AUTS2: variants seen among roughly 807,000 people sequenced by gnomAD.
AUTS2 encodes autism susceptibility gene 2 protein.
In AUTS2, 17 loss-of-function variants were observed where a neutral mutation model predicts 112.4. The ratio of observed to expected loss-of-function variants is 0.15; its 90% CI spans 0.10 to 0.23. AUTS2 has a LOEUF of 0.23. Ranked by LOEUF, AUTS2 falls within the 10% of genes least tolerant of loss-of-function variation. The pLI is 1.00. For synonymous variants in AUTS2, 751 were observed against 702.7 expected (o/e 1.07, Z -1.09); for missense variants, 1,510 against 1,701.6 (o/e 0.89, Z 1.98).
At chr7:69,769,483 A>G (rs1395068204) in intron 1 of AUTS2, among the ~76,000 whole-genome samples, 1 of 152,194 alleles carries the variant, frequency 6.6e-6, no homozygotes, top group African/African-American at 2.4e-5. Flanking sequence ...ATTAGCTACA[A>G]TCTTCCTGAA....
At chr7:69,737,906 A>G (rs928060255) in intron 1 of AUTS2, among the ~76,000 whole-genome samples, 1 of 152,204 alleles carries the variant, frequency 6.6e-6, no homozygotes, top group African/African-American at 2.4e-5. Context: ...TATTCTGCCA[A>G]ATCAAATCGG....
rs553810450 is a variant in AUTS2, at chr7:70,496,041, C to A, written c.690+60260C>A. On this transcript the variant is annotated intron_variant, in intron 5 of 18. Transcript: ENST00000342771. ...CACACCCCCCCCACACACATGCACA[C>A]GTCACATCAGCATCTATCACACACC... Among the ~76,000 whole-genome samples, 50 of 119,786 alleles carry A rather than the reference C, an allele frequency of 4.2e-4. 1 individual carries two copies. The highest frequency in any genetic ancestry group is 1.6e-3 in the African/African-American group (48 of 30,358). 78.6% of individuals were successfully genotyped at this position (119,786 alleles called of 152,430 possible). A position where few individuals can be genotyped will look rare whatever the true frequency, so the allele number is the denominator to read the frequency against.
chr7:70,528,693 G>A (rs984814228), intron 5 of AUTS2, among the ~76,000 whole-genome samples: 3 of 151,976 alleles, frequency 2.0e-5, no homozygotes, highest in African/African-American at 4.8e-5. Context: ...AAAGGATCAC[G>A]TGAGCCCAGG....
intron 14 of AUTS2, among the ~76,000 whole-genome samples, chr7:70,779,138 G>A (rs1044500708): frequency 2.0e-5 from 3 of 152,060 alleles, no homozygotes; most frequent in African/African-American, 7.2e-5. Flanking sequence ...AAATAATTTG[G>A]CCACCAAATT....
intron 4 of AUTS2, among the ~76,000 whole-genome samples, chr7:70,401,590 C>A (rs931403250): frequency 6.6e-6 from 1 of 152,048 alleles, no homozygotes; most frequent in Non-Finnish European, 1.5e-5. Flanking sequence ...CAGATGAGAC[C>A]GTGGAGAGTA....
intron 2 of AUTS2, among the ~76,000 whole-genome samples, chr7:70,115,540 A>G (rs1423290256): frequency 6.6e-6 from 1 of 152,232 alleles, no homozygotes; most frequent in Non-Finnish European, 1.5e-5. Flanking sequence ...ATAGTCAGGT[A>G]CCACATACAA....
At chr7:70,005,789 C>A (rs777619259) in intron 2 of AUTS2, among the ~76,000 whole-genome samples, 5 of 152,046 alleles carry the variant, frequency 3.3e-5, no homozygotes, top group Non-Finnish European at 7.4e-5. Flanking sequence ...TCTGTGACCT[C>A]AAAATTGAAA....
intron 4 of AUTS2, among the ~76,000 whole-genome samples, chr7:70,220,884 T>C (rs1368570343): frequency 6.6e-6 from 1 of 152,208 alleles, no homozygotes; most frequent in African/African-American, 2.4e-5. Flanking sequence ...ACTCACCATA[T>C]AGATTCTACC....
intron 5 of AUTS2, among the ~76,000 whole-genome samples, chr7:70,466,814 G>A (rs563841844): frequency 6.6e-6 from 1 of 152,244 alleles, no homozygotes; most frequent in South Asian, 2.1e-4. Flanking sequence ...TTTAAAGCAG[G>A]GATAGACATG....
At chr7:70,142,149 A>C (rs1028261475) in intron 4 of AUTS2, among the ~76,000 whole-genome samples, 2 of 152,172 alleles carry the variant, frequency 1.3e-5, no homozygotes, top group African/African-American at 2.4e-5. Flanking sequence ...AAACTCTTTA[A>C]GGAGATAAGC....
intron 4 of AUTS2, among the ~76,000 whole-genome samples, chr7:70,401,431 A>AT (rs1794322584): frequency 6.6e-6 from 1 of 152,138 alleles, no homozygotes; most frequent in African/African-American, 2.4e-5. Flanking sequence ...GTGTGGTGAG[A>AT]TTAGGAGGAA....
chr7:70,407,791 A>G (rs1794600905), intron 4 of AUTS2, among the ~76,000 whole-genome samples: 1 of 152,062 alleles, frequency 6.6e-6, no homozygotes, highest in Non-Finnish European at 1.5e-5. Flanking sequence ...GTGATGGCTC[A>G]TGCCTGTAAT....
At chr7:70,548,834 C>T (rs1478377457) in intron 5 of AUTS2, among the ~76,000 whole-genome samples, 1 of 151,828 alleles carries the variant, frequency 6.6e-6, no homozygotes, top group Admixed American at 6.6e-5. Context: ...GGGAACTGTG[C>T]GTCTCCCAAT....
At chr7:70,426,544 T>C (rs1168721401) in intron 4 of AUTS2, among the ~76,000 whole-genome samples, 1 of 152,180 alleles carries the variant, frequency 6.6e-6, no homozygotes, top group African/African-American at 2.4e-5. Context: ...AGTGTCTCAT[T>C]TAACGGCACC....
chr7:70,142,165 ACTTAGGTG>A (rs1198275727), intron 4 of AUTS2, among the ~76,000 whole-genome samples: 1 of 152,146 alleles, frequency 6.6e-6, no homozygotes, highest in Admixed American at 6.6e-5. Flanking sequence ...TAAGCGGAAA[ACTTAGGTG>A]CTACTGATGG....
chr7:70,090,261 T>A (rs1229659069), intron 2 of AUTS2, among the ~76,000 whole-genome samples: 3 of 152,056 alleles, frequency 2.0e-5, no homozygotes, highest in African/African-American at 7.2e-5. Context: ...TTCAACTCTC[T>A]TGTTGTCACA....
intron 4 of AUTS2, 91 bp from the exon 5 acceptor site, chr7:70,435,658 ACTT>A: frequency 1.6e-6 from 2 of 1,247,622 alleles, no homozygotes; most frequent in South Asian, 2.6e-5. Flanking sequence ...CTTATCTTGC[ACTT>A]TTTTTGTATG....
chr7:69,763,990 G>A (rs1788305190), intron 1 of AUTS2, among the ~76,000 whole-genome samples: 7 of 152,216 alleles, frequency 4.6e-5, no homozygotes, highest in Admixed American at 3.9e-4. Flanking sequence ...TCAAAGCAGG[G>A]TGTATTCTCA....
intron 4 of AUTS2, among the ~76,000 whole-genome samples, chr7:70,308,265 T>C (rs554660894): frequency 1.3e-5 from 2 of 152,312 alleles, no homozygotes; most frequent in Admixed American, 6.5e-5. Flanking sequence ...CCAGGAGTTA[T>C]AACAATTGTT....
Sources: gnomAD v4.1 joint callset for allele counts (sites outside exome capture counted in the v4.1 genomes callset) on GRCh38, gnomAD v4.1.1 for gene constraint, MANE v1.5 for transcripts, NCBI Gene and HGNC (gene_info 2026-07-23, HGNC 2026-07-21) for gene names.